Variants in ARB2A observed in about 807,000 individuals in gnomAD.
The protein encoded by ARB2A is ARB2 cotranscriptional regulator A, also known as cotranscriptional regulator ARB2A.
At chr5:94,009,240 A>C in the ARB2A span, among the ~76,000 whole-genome samples, 1 of 152,128 alleles carries the variant, frequency 6.6e-6, no homozygotes, top group South Asian at 2.1e-4. Context: ...AAGCATTTAC[A>C]TACAAAAAAG....
the ARB2A span, among the ~76,000 whole-genome samples, chr5:93,687,480 T>A: frequency 6.6e-6 from 1 of 152,178 alleles, no homozygotes; most frequent in Non-Finnish European, 1.5e-5. Flanking sequence ...TAACTTTCAA[T>A]AGATACTGTC....
At chr5:93,671,453 A>G in the ARB2A span, among the ~76,000 whole-genome samples, 1 of 152,138 alleles carries the variant, frequency 6.6e-6, no homozygotes, top group Non-Finnish European at 1.5e-5. Flanking sequence ...TTTGTTCTAA[A>G]TGTCAAATAA....
chr5:93,896,688 C>G, the ARB2A span, among the ~76,000 whole-genome samples: 3 of 151,990 alleles, frequency 2.0e-5, no homozygotes, highest in Non-Finnish European at 4.4e-5. Context: ...ATGGAATTAA[C>G]TAGCATTTCA....
At chr5:93,927,189 A>G in the ARB2A span, among the ~76,000 whole-genome samples, 1 of 152,190 alleles carries the variant, frequency 6.6e-6, no homozygotes, top group African/African-American at 2.4e-5. Flanking sequence ...GCTCTTAGTG[A>G]AGAGTCTGAG....
the ARB2A span, among the ~76,000 whole-genome samples, chr5:94,089,486 C>T: frequency 1.3e-5 from 2 of 151,982 alleles, no homozygotes; most frequent in African/African-American, 2.4e-5. Flanking sequence ...TCGATAAATT[C>T]GGACAGCTTT....
chr5:93,741,687 C>A, the ARB2A span: 1 of 1,185,620 alleles, frequency 8.4e-7, no homozygotes, highest in Non-Finnish European at 1.1e-6. Context: ...GCCAAGGGTG[C>A]CTGTGCGTAG....
the ARB2A span, among the ~76,000 whole-genome samples, chr5:93,660,826 G>A: frequency 1.3e-5 from 2 of 152,128 alleles, no homozygotes; most frequent in African/African-American, 2.4e-5. Context: ...ATAAATCACA[G>A]ATAAGAGAGA....
At chr5:93,647,161 G>C in the ARB2A span, among the ~76,000 whole-genome samples, 1 of 152,056 alleles carries the variant, frequency 6.6e-6, no homozygotes, top group African/African-American at 2.4e-5. Context: ...GTATTAACAT[G>C]TTCATCTTGC....
chr5:93,872,693 G>A, the ARB2A span, among the ~76,000 whole-genome samples: 6 of 151,952 alleles, frequency 3.9e-5, no homozygotes, highest in African/African-American at 9.7e-5. Context: ...TGAGGCGGGC[G>A]GATCACAAGG....
At chr5:94,101,230 T>C in the ARB2A span, among the ~76,000 whole-genome samples, 1 of 152,046 alleles carries the variant, frequency 6.6e-6, no homozygotes, top group Non-Finnish European at 1.5e-5. Flanking sequence ...ATTAGAGAAA[T>C]GCAAATCAAA....
the ARB2A span, among the ~76,000 whole-genome samples, chr5:93,894,501 G>A: frequency 6.6e-6 from 1 of 152,054 alleles, no homozygotes; most frequent in Non-Finnish European, 1.5e-5. Context: ...TGAAATGCCT[G>A]CTGAATGCAA....
chr5:93,869,115 C>T, the ARB2A span, among the ~76,000 whole-genome samples: 27 of 152,204 alleles, frequency 1.8e-4, no homozygotes, highest in Admixed American at 3.9e-4. Context: ...TGTCTCTAGG[C>T]CTCATTTTAC....
the ARB2A span, among the ~76,000 whole-genome samples, chr5:93,721,478 A>G: frequency 6.6e-6 from 1 of 152,192 alleles, no homozygotes; most frequent in African/African-American, 2.4e-5. Flanking sequence ...TTATTGATGC[A>G]CTAATTACCA....
chr5:94,024,721 A>G, the ARB2A span, among the ~76,000 whole-genome samples: 1 of 152,214 alleles, frequency 6.6e-6, no homozygotes, highest in Non-Finnish European at 1.5e-5. Flanking sequence ...TGGATAAGAG[A>G]AAGCTTTCTT....
the ARB2A span, among the ~76,000 whole-genome samples, chr5:93,857,878 C>T: frequency 5.9e-5 from 9 of 152,122 alleles, no homozygotes; most frequent in Non-Finnish European, 7.4e-5. Flanking sequence ...TCTTCTGCGT[C>T]GCTCATGCTG....
chr5:93,892,594 GA>G, the ARB2A span, among the ~76,000 whole-genome samples: 1,143 of 152,082 alleles, frequency 7.5e-3, 5 homozygotes, highest in African/African-American at 0.011. Context: ...CTGGGGGGGG[GA>G]AAACCACACA....
the ARB2A span, among the ~76,000 whole-genome samples, chr5:93,781,704 T>C: frequency 6.7e-6 from 1 of 149,510 alleles, no homozygotes; most frequent in Non-Finnish European, 1.5e-5. Context: ...TTTTTTTTTT[T>C]AAATAGTAGC....
the ARB2A span, among the ~76,000 whole-genome samples, chr5:94,013,766 C>A: frequency 3.3e-5 from 5 of 151,824 alleles, no homozygotes; most frequent in Admixed American, 1.3e-4. Context: ...ACAAAAAAAA[C>A]AAAAACAAAT....
At chr5:93,823,868 T>C in the ARB2A span, among the ~76,000 whole-genome samples, 1 of 152,158 alleles carries the variant, frequency 6.6e-6, no homozygotes, top group Non-Finnish European at 1.5e-5. Context: ...GGCAGGAGAA[T>C]AGCCTGAACC....
Sources: gnomAD v4.1 joint callset for allele counts (sites outside exome capture counted in the v4.1 genomes callset) on GRCh38, gnomAD v4.1.1 for gene constraint, MANE v1.5 for transcripts, NCBI Gene and HGNC (gene_info 2026-07-23, HGNC 2026-07-21) for gene names.